CRB1: variants seen among roughly 807,000 people sequenced by gnomAD.
The protein encoded by CRB1 is crumbs cell polarity complex component 1, also known as protein crumbs homolog 1.
A neutral mutation model predicts 120.0 loss-of-function variants in CRB1; 83 were observed. The ratio of observed to expected loss-of-function variants is 0.69; its 90% CI spans 0.58 to 0.83. The LOEUF (loss-of-function observed/expected upper bound fraction) is 0.83. Ranked by LOEUF, CRB1 falls within the 40% of genes least tolerant of loss-of-function variation. The probability of loss-of-function intolerance (pLI) is 0.00; values close to 1 mark genes in which losing one functional copy is unlikely to be tolerated. For synonymous variants in CRB1, 625 were observed against 612.5 expected, an observed-to-expected ratio of 1.02 and a Z score of -0.30; for missense variants, 1,699 against 1,687.6, an observed-to-expected ratio of 1.01 and a Z score of -0.12.
At position 197,356,924 on chromosome 1, in the gene CRB1, A is replaced by G; in HGVS notation, c.1082A>G (p.Lys361Arg). 2 of 1,614,212 alleles carry G rather than the reference A, an allele frequency of 1.2e-6. No homozygotes were observed. Among genetic ancestry groups the G allele is most frequent in the Non-Finnish European group, 1.7e-6 (2 of 1,180,026 alleles). ...NGECVELSSE[K>R]QYGRITGLPS... ...GAATGTGTGGAGCTGTCCTCAGAGA[A>G]ACAATATGGACGCATCACTGGACTG... The change falls in exon 5 of 12, where the codon AAA (lysine) becomes AGA (arginine). Residue 361 changes from lysine (K) to arginine (R), a missense_variant. Coordinates refer to ENST00000367400, the MANE Select transcript of CRB1 (RefSeq NM_201253.3).
chr1:197,357,785 C>A (rs554046788), intron 5 of CRB1: 17 of 152,466 alleles, frequency 1.1e-4, no homozygotes, highest in African/African-American at 3.6e-4. Flanking sequence ...AAGGGGGTGT[C>A]TATTTACACT....
the CRB1 span, among the ~76,000 whole-genome samples, chr1:197,261,481 G>T: frequency 6.6e-6 from 1 of 152,138 alleles, no homozygotes; most frequent in East Asian, 1.9e-4. Context: ...AGAAAAGCAA[G>T]TTGCAGAATA....
At chr1:197,357,479 C>CTT (rs77569447) in intron 5 of CRB1, 625 of 188,044 alleles carry the variant, frequency 3.3e-3, no homozygotes, top group South Asian at 0.011. Context: ...TTAAATTACT[C>CTT]TTTTTTTTTC....
chr1:197,202,975 GTGTGTGTC>G, the CRB1 span, among the ~76,000 whole-genome samples: 42 of 147,690 alleles, frequency 2.8e-4, no homozygotes, highest in Non-Finnish European at 5.4e-4. Context: ...GTGTGTGTGT[GTGTGTGTC>G]TGTGTGTGTG....
chr1:197,260,597 A>T, the CRB1 span, among the ~76,000 whole-genome samples: 1 of 152,244 alleles, frequency 6.6e-6, no homozygotes, highest in South Asian at 2.1e-4. Context: ...AAAACTATAA[A>T]CTTTAAGAGA....
chr1:197,374,496 A>C (rs1212778484), intron 5 of CRB1, among the ~76,000 whole-genome samples: 1 of 152,142 alleles, frequency 6.6e-6, no homozygotes, highest in Non-Finnish European at 1.5e-5. Flanking sequence ...GTCACCAAGC[A>C]AGAACAGTGC....
At chr1:197,260,942 G>A in the CRB1 span, among the ~76,000 whole-genome samples, 3 of 152,038 alleles carry the variant, frequency 2.0e-5, no homozygotes, top group African/African-American at 4.8e-5. Flanking sequence ...TGATCCACCC[G>A]CCTTGGCCTC....
In CRB1 at chr1:197,320,888, C is replaced by T. The variant is rs117538275; in HGVS notation, c.71-7534C>T. 8.0e-4 allele frequency among the ~76,000 whole-genome samples: 122 copies of T among 152,282 alleles called. 1 individual carries two copies. The East Asian group carries it at 0.022, about 27-fold the overall frequency. The stretch of plus-strand genomic sequence containing the variant: ...GTTATGATGTCTCATGCATTTTCTA[C>T]AGTAGAGCCATCCTTATACTTTTAT... On this transcript the variant is annotated intron_variant, in intron 1 of 11. Transcript: ENST00000367400.
At chr1:197,386,262 G>A (rs1468592672) in intron 5 of CRB1, among the ~76,000 whole-genome samples, 1 of 152,104 alleles carries the variant, frequency 6.6e-6, no homozygotes, top group Non-Finnish European at 1.5e-5. Context: ...AGGATCAAAC[G>A]ATATGGTAAA....
chr1:197,256,033 C>A, the CRB1 span, among the ~76,000 whole-genome samples: 1 of 124,392 alleles, frequency 8.0e-6, no homozygotes, highest in Non-Finnish European at 1.7e-5. Flanking sequence ...TGTATATACA[C>A]ATATCCCTTG....
At chr1:197,467,601 T>C (rs1666805790) in intron 11 of CRB1, among the ~76,000 whole-genome samples, 1 of 152,190 alleles carries the variant, frequency 6.6e-6, no homozygotes, top group Admixed American at 6.5e-5. Context: ...TCTCAAACTG[T>C]CCCCTGCCCT....
At chr1:197,474,120 A>G (rs958775395) in intron 11 of CRB1, among the ~76,000 whole-genome samples, 2 of 152,182 alleles carry the variant, frequency 1.3e-5, no homozygotes, top group African/African-American at 4.8e-5. Flanking sequence ...GAAAATGATA[A>G]ATGGTATACT....
At chr1:197,277,812 G>T (rs1269266517) in intron 1 of CRB1, among the ~76,000 whole-genome samples, 1 of 151,808 alleles carries the variant, frequency 6.6e-6, no homozygotes, top group Non-Finnish European at 1.5e-5. Flanking sequence ...CTTGTAAAAT[G>T]AGGGGGTTAT....
Position 197,477,929 on chromosome 1 carries a change from A to G in CRB1, c.*50A>G. ...GGATCCACACACTGTGAATGTGATG[A>G]CTGTACTTCAGGTATCTCTGACATA... On this transcript the variant is annotated 3_prime_UTR_variant, in exon 12 of 12. Transcript: ENST00000367400. 6.4e-7 allele frequency: 1 copy of G among 1,550,966 alleles called. No homozygotes were observed. The highest frequency in any genetic ancestry group is 1.1e-5 in the South Asian group (1 of 89,652).
rs1274680186 is a variant in CRB1 at position 197,427,649 on chromosome 1, T to G, written c.2324T>G (p.Leu775Arg). 3 of 1,614,004 alleles carry G rather than the reference T, an allele frequency of 1.9e-6. No homozygotes were observed. Among genetic ancestry groups the G allele is most frequent in the Non-Finnish European group, 2.5e-6 (3 of 1,179,972 alleles). ...CTAGAGCGCGGCAGACTAGCAATGC[T>G]GACTCCAAACTCTCCCAAATTAGTA... is the stretch of plus-strand genomic sequence containing the variant. Reference protein sequence around the residue: ...VWLERGRLAMLTPNSPKLVVK... With the variant: ...VWLERGRLAMRTPNSPKLVVK... The change falls in exon 7 of 12, where the codon CTG becomes CGG. Residue 775 changes from leucine (L) to arginine (R), a missense_variant. Transcript: ENST00000367400.
At chr1:197,215,555 C>T in the CRB1 span, among the ~76,000 whole-genome samples, 16 of 152,158 alleles carry the variant, frequency 1.1e-4, no homozygotes, top group African/African-American at 3.9e-4. Context: ...GGATTACAGG[C>T]ATGTGCCACT....
chr1:197,438,841 A>T (rs780292232), intron 10 of CRB1, 166 bp downstream of exon 10: 57 of 746,086 alleles, frequency 7.6e-5, no homozygotes, highest in Non-Finnish European at 1.1e-4. Flanking sequence ...GAAAAACTAC[A>T]GTTTAGGTCA....
chr1:197,231,464 T>G, the CRB1 span, among the ~76,000 whole-genome samples: 1 of 152,088 alleles, frequency 6.6e-6, no homozygotes, highest in East Asian at 1.9e-4. Flanking sequence ...AAGAGGGATG[T>G]ATGCTAAAGT....
intron 2 of CRB1, among the ~76,000 whole-genome samples, chr1:197,332,951 A>C (rs1343176294): frequency 1.3e-5 from 2 of 152,316 alleles, no homozygotes; most frequent in East Asian, 3.9e-4. Context: ...GAAAGAAAAA[A>C]GACCATCAGC....
Sources: allele counts gnomAD v4.1 joint callset (sites outside exome capture counted in the v4.1 genomes callset), GRCh38; gene constraint gnomAD v4.1.1; transcripts MANE v1.5; gene names NCBI Gene and HGNC (gene_info 2026-07-23, HGNC 2026-07-21).